The following SFMBT2 variants were observed in gnomAD, a reference collection of about 807,000 sequenced individuals.
The protein encoded by SFMBT2 is scm-like with four MBT domains protein 2.
A neutral mutation model predicts 110.1 loss-of-function variants in SFMBT2; 38 were observed. The observed-to-expected ratio is 0.35, with a 90% CI of 0.27 to 0.45. SFMBT2 has a LOEUF of 0.45. Among genes scored for constraint, SFMBT2 ranks in the 20% least tolerant of loss-of-function variants. SFMBT2 has a pLI of 1.00. For synonymous variants in SFMBT2, 425 were observed against 425.4 expected (o/e 1.00, Z 0.01); for missense variants, 1,011 against 1,094.9 (o/e 0.92, Z 1.08).
At chr10:7,382,811 G>A (rs995979288) in intron 1 of SFMBT2, among the ~76,000 whole-genome samples, 2 of 152,204 alleles carry the variant, frequency 1.3e-5, no homozygotes, top group African/African-American at 2.4e-5. Context: ...CTTTCCCTAC[G>A]ATAGCACTGC....
At chr10:7,329,282 T>C (rs61837679) in intron 4 of SFMBT2, among the ~76,000 whole-genome samples, 11,142 of 152,294 alleles carry the variant, frequency 0.073, 539 homozygotes, top group Non-Finnish European at 0.11. Flanking sequence ...CGTGTGTTTT[T>C]ACCCAAGGCT....
At chr10:7,290,485 T>C (rs913410707) in intron 4 of SFMBT2, among the ~76,000 whole-genome samples, 8 of 152,114 alleles carry the variant, frequency 5.3e-5, no homozygotes, top group East Asian at 1.9e-4. Context: ...CACACACATA[T>C]GCTTCTTGAG....
intron 4 of SFMBT2, among the ~76,000 whole-genome samples, chr10:7,294,783 C>T (rs10795540): frequency 0.57 from 86,848 of 151,942 alleles, 25,082 homozygotes; most frequent in East Asian, 0.75. Flanking sequence ...TCCTTGGGAG[C>T]ATTTTATATA....
chr10:7,208,931 T>C (rs1839242485), intron 11 of SFMBT2, among the ~76,000 whole-genome samples: 1 of 152,182 alleles, frequency 6.6e-6, no homozygotes, highest in Non-Finnish European at 1.5e-5. Context: ...GTCGGCTACC[T>C]TTCCCTCAAA....
chr10:7,178,670 C>T (rs1838148284), intron 16 of SFMBT2, among the ~76,000 whole-genome samples: 1 of 152,166 alleles, frequency 6.6e-6, no homozygotes, highest in Non-Finnish European at 1.5e-5. Flanking sequence ...TTTCTCCTGC[C>T]CCAAGAAAAA....
chr10:7,330,128 T>C (rs1430331082), intron 4 of SFMBT2, among the ~76,000 whole-genome samples: 1 of 151,998 alleles, frequency 6.6e-6, no homozygotes, highest in Non-Finnish European at 1.5e-5. Flanking sequence ...GTTGTAAACG[T>C]TTTTTAGAGA....
chr10:7,335,470 T>G (rs527968521), intron 4 of SFMBT2, among the ~76,000 whole-genome samples: 1 of 152,216 alleles, frequency 6.6e-6, no homozygotes, highest in Non-Finnish European at 1.5e-5. Context: ...GGAGTAAGCC[T>G]GCACCCCCGG....
chr10:7,198,337 C>A (rs2131596462), intron 14 of SFMBT2, among the ~76,000 whole-genome samples: 1 of 152,320 alleles, frequency 6.6e-6, no homozygotes, highest in East Asian at 1.9e-4. Flanking sequence ...TCTACTTTTT[C>A]AGGACTGTCA....
chr10:7,305,781 T>A (rs1456570467), intron 4 of SFMBT2, among the ~76,000 whole-genome samples: 5 of 152,250 alleles, frequency 3.3e-5, no homozygotes, highest in Non-Finnish European at 7.3e-5. Flanking sequence ...GGCACTGGAC[T>A]GAACTGGTTA....
intron 4 of SFMBT2, among the ~76,000 whole-genome samples, chr10:7,323,329 T>C (rs1355640793): frequency 6.6e-6 from 1 of 151,626 alleles, no homozygotes; most frequent in African/African-American, 2.4e-5. Context: ...CAGGTGCCTA[T>C]AGTCCCAGCT....
At position 7,262,714 on chromosome 10, in the gene SFMBT2, G is replaced by A. The variant is rs574053292; in HGVS notation, c.871-14065C>T. ...CCAGTGATCAAGCAGCTGCGATGGC[G>A]AACTCTGTATAGATCTGGATTTTGC... On this transcript the variant is annotated intron_variant, in intron 7 of 20. Coordinates refer to ENST00000397167, the MANE Select transcript of SFMBT2 (RefSeq NM_001387889.1). Among the ~76,000 whole-genome samples, 5 of 152,310 alleles carry A rather than the reference G, an allele frequency of 3.3e-5. No homozygotes were observed. The East Asian group carries it at 7.7e-4, about 24-fold the overall frequency.
At chr10:7,211,795 T>G (rs928012607) in intron 11 of SFMBT2, among the ~76,000 whole-genome samples, 3 of 152,214 alleles carry the variant, frequency 2.0e-5, no homozygotes, top group Middle Eastern at 3.2e-3. Flanking sequence ...TTTGCAAGTA[T>G]CTCCAAAATG....
rs769050897 is a variant in SFMBT2, at chr10:7,172,562, C to T, written c.2084G>A (p.Arg695Gln). 32 of 1,614,080 alleles carry T rather than the reference C, an allele frequency of 2.0e-5. No individual in the cohort carries two copies. The highest frequency in any genetic ancestry group is 3.3e-4 in the Middle Eastern group (2 of 6,084). ...HPKPARRRKR[R>Q]KSIFVQKKRR... ...TTTCTTCTGCACGAAAATGGATTTC[C>T]GTCGCTTCCTCCGCCTGGCGGGTTT... The change falls in exon 18 of 21, where the codon CGG (arginine) becomes CAG (glutamine). Residue 695 changes from arginine (R) to glutamine (Q), a missense_variant. By Grantham distance (43) the Arg-to-Gln change is conservative. This residue lies in a region of SFMBT2 where 979 missense variants were observed against 1,016.1 expected (regional missense o/e 0.96). Coordinates refer to ENST00000397167, the MANE Select transcript of SFMBT2 (RefSeq NM_001387889.1). This position sits in a 1 kb window ranked among gnomAD's most constrained non-coding sequence, Gnocchi z 4.6.
At chr10:7,220,676 A>C in intron 10 of SFMBT2, 139 bp from the exon 11 acceptor site, 1 of 862,158 alleles carries the variant, frequency 1.2e-6, no homozygotes, top group South Asian at 1.7e-5. Flanking sequence ...TGTCCTTCCC[A>C]CTGTTCATGA....
intron 1 of SFMBT2, among the ~76,000 whole-genome samples, chr10:7,409,569 C>G (rs1846315540): frequency 6.6e-6 from 1 of 152,034 alleles, no homozygotes; most frequent in African/African-American, 2.4e-5. Flanking sequence ...TTTCGGTGCC[C>G]TGGTCCGGGC....
chr10:7,349,440 C>CTTTTTTTTTTTTTT lies in SFMBT2; in HGVS notation c.436+18195_436+18208dup, dbSNP rs369479041. Reference sequence around the variant, plus strand: ...CCCTGACTCTTTTTTCTTTTCTTTTCTTTTTTTTTTTTTTTTTTTTTTTTT... The same window carrying CTTTTTTTTTTTTTT: ...CCCTGACTCTTTTTTCTTTTCTTTTCTTTTTTTTTTTTTTTTTTTTTTTTTTTTTTTTTTTTTTT... On this transcript the variant is annotated intron_variant, in intron 4 of 20. Coordinates refer to ENST00000397167, the MANE Select transcript of SFMBT2 (RefSeq NM_001387889.1). 5.4e-3 allele frequency among the ~76,000 whole-genome samples: 254 copies of CTTTTTTTTTTTTTT among 46,890 alleles called. 52 individuals are homozygous for CTTTTTTTTTTTTTT. The highest frequency in any genetic ancestry group is 6.7e-3 in the Non-Finnish European group (190 of 28,232). The allele number at this position is 46,890 out of a possible 152,430, so 30.8% of individuals were successfully genotyped here.
chr10:7,222,111 CT>C (rs1279524227), intron 10 of SFMBT2, among the ~76,000 whole-genome samples: 1 of 152,188 alleles, frequency 6.6e-6, no homozygotes, highest in Non-Finnish European at 1.5e-5. Context: ...TATCTGTAGC[CT>C]TTCGAGTCTG....
chr10:7,407,038 CA>C (rs1298229341), intron 1 of SFMBT2, among the ~76,000 whole-genome samples: 1 of 152,136 alleles, frequency 6.6e-6, no homozygotes, highest in Non-Finnish European at 1.5e-5. Context: ...CTCTTGCAGG[CA>C]GGCAGCTTGG....
chr10:7,281,385 C>A (rs1022422062), intron 6 of SFMBT2, among the ~76,000 whole-genome samples: 1 of 152,058 alleles, frequency 6.6e-6, no homozygotes, highest in Non-Finnish European at 1.5e-5. Context: ...CCCCTGCACA[C>A]CCCCCTCCCA....
Sources: allele counts gnomAD v4.1 joint callset (sites outside exome capture counted in the v4.1 genomes callset), GRCh38; gene constraint gnomAD v4.1.1; regional missense constraint gnomAD v4.1.1; non-coding constraint Gnocchi (gnomAD v3.1); transcripts MANE v1.5; gene names NCBI Gene and HGNC (gene_info 2026-07-23, HGNC 2026-07-21).